Variants in TJP2 observed in about 807,000 individuals in gnomAD.
The protein encoded by TJP2 is Friedreich ataxia region gene X104 (tight junction protein ZO-2).
In TJP2, 91 loss-of-function variants were observed where a neutral mutation model predicts 133.1. That is an observed-to-expected ratio of 0.68 (90% confidence interval 0.58 to 0.81). The LOEUF is 0.81. TJP2 is among the 40% of genes least tolerant of loss of function. The pLI, the probability that TJP2 is intolerant of heterozygous loss-of-function variation, is 0.00. For missense variants in TJP2, 1,541 were observed against 1,565.6 expected (o/e 0.98, Z 0.26); for synonymous variants, 592 against 583.4 (o/e 1.01, Z -0.21).
chr9:69,218,314 G>A lies in TJP2; in HGVS notation c.297G>A (p.Ser99=), dbSNP rs72709079. The A allele has an allele frequency of 0.014, 22,978 of 1,614,138 alleles. 198 individuals carry two copies. The highest frequency in any genetic ancestry group is 0.017 in the Non-Finnish European group (20,393 of 1,180,012). Residue 99 remains serine (S), a synonymous_variant, in exon 4 of 23, where the codon TCG becomes TCA. Transcript: ENST00000377245. ...NGTPMEDVLH[S]FAVQQLRKSG... is the part of the protein sequence containing the mutation. ...CCCCCATGGAGGATGTGCTTCATTC[G>A]TTTGCAGTTCAGCAGCTCAGAAAAA...
At chr9:69,145,560 C>G (rs1165914414) in intron 1 of TJP2, 3 of 426,238 alleles carry the variant, frequency 7.0e-6, no homozygotes, top group Admixed American at 4.4e-5. Context: ...TCTGCCCCCC[C>G]ATCACCACGG....
chr9:69,198,687 C>T (rs1389312442), intron 1 of TJP2, among the ~76,000 whole-genome samples: 2 of 152,134 alleles, frequency 1.3e-5, no homozygotes, highest in South Asian at 4.1e-4. Context: ...GTGAGCACAT[C>T]GCATACACTA....
chr9:69,122,718 C>T (rs1373946298), intron 1 of TJP2, among the ~76,000 whole-genome samples: 1 of 152,172 alleles, frequency 6.6e-6, no homozygotes, highest in Non-Finnish European at 1.5e-5. Context: ...TTCTGCGCAA[C>T]TGAGTATCTC....
Position 69,133,546 on chromosome 9 carries a change from C to CTTT in TJP2, c.-131+11842_-131+11844dup, listed in dbSNP as rs10577570. On this transcript the variant is annotated intron_variant, in intron 1 of 5. Transcript: ENST00000423935. ...ATGCTTTCCTGTTTCATTTTTCTGG[C>CTTT]TTTTTTTTTTTTTTTTTTTTTTTGA... is the stretch of plus-strand genomic sequence containing the variant. Among the ~76,000 whole-genome samples the CTTT allele has an allele frequency of 9.1e-3, 957 of 104,658 alleles. 1 individual carries two copies. Among genetic ancestry groups the CTTT allele is most frequent in the Non-Finnish European group, 0.012 (674 of 55,344 alleles). The allele number at this position is 104,658 out of a possible 152,430, so 68.7% of individuals were successfully genotyped here.
Position 69,150,160 on chromosome 9 carries a change from A to G in TJP2, c.-130-1491A>G, listed in dbSNP as rs548393030. ...TGAGACTGTCTCAAAAAACAAAACCATAAACACAAGCCAGTGTTATAAATG... is the reference window on the plus strand; with the variant it reads ...TGAGACTGTCTCAAAAAACAAAACCGTAAACACAAGCCAGTGTTATAAATG... On this transcript the variant is annotated intron_variant, in intron 1 of 5. Coordinates refer to the TJP2 transcript ENST00000423935. Among the ~76,000 whole-genome samples the G allele has an allele frequency of 8.5e-4, 130 of 152,276 alleles. 2 individuals carry two copies. Among genetic ancestry groups the G allele is most frequent in the African/African-American group, 3.0e-3 (124 of 41,554 alleles).
At chr9:69,231,201 C>T (rs962441442) in intron 11 of TJP2, among the ~76,000 whole-genome samples, 8 of 152,114 alleles carry the variant, frequency 5.3e-5, no homozygotes, top group Non-Finnish European at 1.0e-4. Context: ...CCTCCGCCTC[C>T]TGGGTTCAAG....
intron 5 of TJP2, among the ~76,000 whole-genome samples, chr9:69,221,864 T>C (rs1439756431): frequency 8.3e-5 from 2 of 24,138 alleles, no homozygotes; most frequent in African/African-American, 7.8e-4. Flanking sequence ...GAATAGCTAC[T>C]TTTTTTTTTT....
chr9:69,238,468 T>C (rs2133397487), intron 15 of TJP2, among the ~76,000 whole-genome samples: 1 of 152,324 alleles, frequency 6.6e-6, no homozygotes. Flanking sequence ...TAAATAACTT[T>C]GTTACACTGA....
rs138283671 is a variant in TJP2 at position 69,214,653 on chromosome 9, G to A, written c.115-1686G>A. Among the ~76,000 whole-genome samples, 164 of 152,172 alleles carry A rather than the reference G, an allele frequency of 1.1e-3. 1 individual carries two copies. Among genetic ancestry groups the A allele is most frequent in the African/African-American group, 3.9e-3 (160 of 41,524 alleles). ...GGAGGCAGAGACAGGTGGATCACAAGGTCAGGAGATCGAGACCATCCTGGC... is the reference window on the plus strand; with the variant it reads ...GGAGGCAGAGACAGGTGGATCACAAAGTCAGGAGATCGAGACCATCCTGGC... On this transcript the variant is annotated intron_variant, in intron 2 of 22. Coordinates refer to ENST00000377245, the MANE Select transcript of TJP2 (RefSeq NM_004817.4).
At chr9:69,243,186 A>T (rs1373877017) in intron 17 of TJP2, among the ~76,000 whole-genome samples, 1 of 152,116 alleles carries the variant, frequency 6.6e-6, no homozygotes, top group Non-Finnish European at 1.5e-5. Context: ...TTTTAAAATG[A>T]TTTTAAGTGT....
chr9:69,205,834 A>G (rs1827357066), intron 1 of TJP2, among the ~76,000 whole-genome samples: 1 of 152,166 alleles, frequency 6.6e-6, no homozygotes, highest in African/African-American at 2.4e-5. Context: ...CAGAATCTAA[A>G]AGCCGCCTGT....
intron 11 of TJP2, among the ~76,000 whole-genome samples, chr9:69,232,386 C>T (rs10126040): frequency 0.034 from 5,135 of 152,292 alleles, 257 homozygotes; most frequent in African/African-American, 0.11. Context: ...ACAGCAGACA[C>T]GGCTAGACCC....
rs747099873 is a variant in TJP2 at position 69,254,440 on chromosome 9, G to C, written c.*66G>C. The stretch of plus-strand genomic sequence containing the variant: ...TCAGACTAGCCACTCCTGCCAGGCC[G>C]CCGGGATGGTTCTTCTCCAGTTAGA... On this transcript the variant is annotated 3_prime_UTR_variant, in exon 23 of 23. Coordinates refer to ENST00000377245, the MANE Select transcript of TJP2 (RefSeq NM_004817.4). The C allele has an allele frequency of 6.3e-7, 1 of 1,598,804 alleles. No individual in the cohort carries two copies. The highest frequency in any genetic ancestry group is 1.1e-5 in the South Asian group (1 of 90,618).
At chr9:69,132,774 G>T (rs1351921658) in intron 1 of TJP2, among the ~76,000 whole-genome samples, 4 of 152,092 alleles carry the variant, frequency 2.6e-5, no homozygotes, top group Admixed American at 6.6e-5. Context: ...ATTGCTATGG[G>T]GATATACCAA....
intron 1 of TJP2, among the ~76,000 whole-genome samples, chr9:69,129,380 C>A (rs140616963): frequency 6.6e-6 from 1 of 151,548 alleles, no homozygotes; most frequent in African/African-American, 2.4e-5. Flanking sequence ...GGCATGGTGG[C>A]GTGTGCTGTC....
chr9:69,138,905 A>G (rs1822893590), intron 1 of TJP2, among the ~76,000 whole-genome samples: 1 of 151,544 alleles, frequency 6.6e-6, no homozygotes, highest in African/African-American at 2.4e-5. Flanking sequence ...TGACACAGTG[A>G]GATTCCATCT....
At chr9:69,148,071 T>A (rs777305440) in intron 1 of TJP2, among the ~76,000 whole-genome samples, 3 of 151,836 alleles carry the variant, frequency 2.0e-5, no homozygotes, top group African/African-American at 4.8e-5. Flanking sequence ...ATTACAGGCA[T>A]GCGCCACCAC....
intron 1 of TJP2, among the ~76,000 whole-genome samples, chr9:69,181,670 T>G (rs1225368451): frequency 6.6e-6 from 1 of 152,218 alleles, no homozygotes; most frequent in African/African-American, 2.4e-5. Context: ...TCTAAATTAT[T>G]TCCATTGGTT....
At chr9:69,250,897 TA>T in intron 20 of TJP2, 137 bp from the exon 21 acceptor site, 1 of 937,164 alleles carries the variant, frequency 1.1e-6, no homozygotes, top group Non-Finnish European at 1.7e-6. Flanking sequence ...TGCCCTGCTG[TA>T]TTACATTCCT....
Sources: gnomAD v4.1 joint callset for allele counts (sites outside exome capture counted in the v4.1 genomes callset) on GRCh38, gnomAD v4.1.1 for gene constraint, MANE v1.5 for transcripts, NCBI Gene and HGNC (gene_info 2026-07-23, HGNC 2026-07-21) for gene names.